Variants in SVEP1 observed in about 807,000 individuals in gnomAD.
The protein encoded by SVEP1 is sushi, von Willebrand factor type A, EGF and pentraxin domain-containing protein 1.
A neutral mutation model predicts 367.3 loss-of-function variants in SVEP1; 164 were observed. The observed-to-expected ratio is 0.45, with a 90% CI of 0.39 to 0.51. The LOEUF (loss-of-function observed/expected upper bound fraction) is 0.51. SVEP1 is among the 20% of genes least tolerant of loss of function. SVEP1 has a pLI of 0.00. For synonymous variants in SVEP1, 1,666 were observed against 1,611.6 expected (o/e 1.03, Z -0.81); for missense variants, 4,117 against 4,425.3 (o/e 0.93, Z 1.98).
intron 36 of SVEP1, among the ~76,000 whole-genome samples, chr9:110,418,831 A>G (rs62290276): frequency 0.34 from 39,820 of 118,706 alleles, 11,002 homozygotes; most frequent in Non-Finnish European, 0.41. Flanking sequence ...TAAAGAAAAG[A>G]ATTTTCAACC....
In SVEP1 at chr9:110,502,938, A is replaced by AT. The variant is rs1829558905; in HGVS notation, c.1483+99dup. ...TACATGTGGATATGTATTTATACTC[A>AT]TTACCAGCTAGTGTTTAGTTTTAGG... On this transcript the variant is annotated intron_variant, in intron 6 of 47. Transcript: ENST00000374469. 11 of 1,291,862 alleles carry AT rather than the reference A, an allele frequency of 8.5e-6. No individual in the cohort carries two copies. The East Asian group carries it at 2.6e-4, about 30-fold the overall frequency. 80.0% of individuals were successfully genotyped at this position (1,291,862 alleles called of 1,614,324 possible).
Position 110,453,573 on chromosome 9 carries a change from A to G in SVEP1, c.3787+2017T>C, listed in dbSNP as rs189173017. 3.1e-3 allele frequency among the ~76,000 whole-genome samples: 479 copies of G among 152,120 alleles called. 1 individual carries two copies. Among genetic ancestry groups the G allele is most frequent in the Non-Finnish European group, 5.0e-3 (342 of 67,962 alleles). On this transcript the variant is annotated intron_variant, in intron 22 of 47. Transcript: ENST00000374469. ...TGTGTTATTTTTTGACTCTTTAATA[A>G]TAGCCATTCTGGCCAGGGGCGGGGT...
rs774801313 is a variant in SVEP1 at position 110,450,187 on chromosome 9, C to T, written c.3975G>A (p.Gln1325=). Reference sequence around the variant, plus strand: ...GGCATTTGCACAAGAATCCCCCAACCTGGTCTTCACAGACTGCATTATTTA... The same window carrying T: ...GGCATTTGCACAAGAATCCCCCAACTTGGTCTTCACAGACTGCATTATTTA... ...PCLNNAVCED[Q]VGGFLCKCPP... is the part of the protein sequence containing the mutation. The change falls in exon 24 of 48, where the codon CAG becomes CAA. Residue 1325 remains glutamine (Q), a synonymous_variant. Coordinates refer to ENST00000374469, the MANE Select transcript of SVEP1 (RefSeq NM_153366.4). 2 of 1,613,898 alleles carry T rather than the reference C, an allele frequency of 1.2e-6. No homozygotes were observed. The highest frequency in any genetic ancestry group is 2.2e-5 in the East Asian group (1 of 44,874).
At chr9:110,399,476 C>T (rs963667858) in intron 40 of SVEP1, among the ~76,000 whole-genome samples, 2 of 152,010 alleles carry the variant, frequency 1.3e-5, no homozygotes, top group African/African-American at 4.8e-5. Context: ...TACCCTAAAA[C>T]TTAAAGTATA....
At chr9:110,403,343 T>C (rs1039163065) in intron 39 of SVEP1, among the ~76,000 whole-genome samples, 3 of 135,844 alleles carry the variant, frequency 2.2e-5, no homozygotes, top group Admixed American at 7.7e-5. Flanking sequence ...TATTGCTCTG[T>C]TGCCAGGCTG....
chr9:110,382,706 A>T (rs1275768350), intron 43 of SVEP1, among the ~76,000 whole-genome samples: 3 of 152,174 alleles, frequency 2.0e-5, no homozygotes, highest in African/African-American at 7.2e-5. Context: ...ACCCCGATCA[A>T]TCATAGGTTC....
chr9:110,393,109 T>TGG (rs1827692720), intron 40 of SVEP1, among the ~76,000 whole-genome samples: 1 of 152,254 alleles, frequency 6.6e-6, no homozygotes, highest in Non-Finnish European at 1.5e-5. Context: ...CACAAATTTT[T>TGG]AAATTATCTG....
intron 1 of SVEP1, among the ~76,000 whole-genome samples, chr9:110,565,666 T>G (rs928010679): frequency 5.3e-5 from 8 of 152,104 alleles, no homozygotes; most frequent in African/African-American, 1.9e-4. Flanking sequence ...ATCAGGCAAC[T>G]TAGAGAGTGC....
chr9:110,563,889 T>C (rs1830458979), intron 1 of SVEP1, among the ~76,000 whole-genome samples: 1 of 152,200 alleles, frequency 6.6e-6, no homozygotes, highest in African/African-American at 2.4e-5. Flanking sequence ...AGTACCTGTC[T>C]ACTGGTAATA....
chr9:110,463,084 C>A (rs1437281062), intron 18 of SVEP1, among the ~76,000 whole-genome samples: 1 of 151,900 alleles, frequency 6.6e-6, no homozygotes, highest in Non-Finnish European at 1.5e-5. Context: ...AAATCAGTTT[C>A]CTAAGATGAG....
rs566844874 is a variant in SVEP1 at position 110,514,128 on chromosome 9, A to T, written c.965-22T>A. Reference sequence around the variant, plus strand: ...CAAGCTGTGGGCAGACAAGCCGGAGAAGTCCATGTTATGTGGCACATCAGC... The same window carrying T: ...CAAGCTGTGGGCAGACAAGCCGGAGTAGTCCATGTTATGTGGCACATCAGC... On this transcript the variant is annotated intron_variant, in intron 3 of 47. Transcript: ENST00000374469. 1.9e-6 allele frequency: 3 copies of T among 1,601,962 alleles called. No individual in the cohort carries two copies. The African/African-American group carries it at 4.0e-5, about 21-fold the overall frequency.
At chr9:110,429,056 G>A (rs1588048639) in intron 35 of SVEP1, 87 bp downstream of exon 35, 1 of 1,160,584 alleles carries the variant, frequency 8.6e-7, no homozygotes, top group Non-Finnish European at 1.2e-6. Context: ...GTGTCACAGT[G>A]AGACCATGTC....
Position 110,429,309 on chromosome 9 carries a change from C to G in SVEP1, c.5641G>C (p.Gly1881Arg). 2 of 1,582,030 alleles carry G rather than the reference C, an allele frequency of 1.3e-6. No individual in the cohort carries two copies. Among genetic ancestry groups the G allele is most frequent in the Non-Finnish European group, 1.7e-6 (2 of 1,164,196 alleles). The change falls in exon 35 of 48, where the codon GGT (glycine) becomes CGT (arginine). Residue 1881 changes from glycine to arginine, a missense_variant. Gly to Arg is a moderately radical substitution (Grantham distance 125, BLOSUM62 -2). This residue lies in a region of SVEP1 where 2,174 missense variants were observed against 2,494.3 expected (regional missense o/e 0.87). Coordinates refer to ENST00000374469, the MANE Select transcript of SVEP1 (RefSeq NM_153366.4). ...YRCNKGYTLA[G>R]DKESSCLANS... The stretch of plus-strand genomic sequence containing the variant: ...GCAAGACAGGATGATTCTTTATCAC[C>G]GGCCAGAGTATATCCTTTATTACAC...
In SVEP1 at chr9:110,476,230, T is replaced by C. The variant is rs775501178; in HGVS notation, c.2573A>G (p.Tyr858Cys). ...AATTGCAAAGCCATTTTCATAGTCA[T>C]AATTATATTCTAGGCAATATTTTTT... ...LTKKYCLEYN[Y>C]DYENGFAIGP... The change falls in exon 14 of 48, where the codon TAT becomes TGT. Residue 858 changes from tyrosine to cysteine, a missense_variant. Coordinates refer to ENST00000374469, the MANE Select transcript of SVEP1 (RefSeq NM_153366.4). 1 of 1,612,898 alleles carries C rather than the reference T, an allele frequency of 6.2e-7. No homozygotes were observed. The highest frequency in any genetic ancestry group is 8.5e-7 in the Non-Finnish European group (1 of 1,179,064).
chr9:110,564,454 A>G (rs995494981), intron 1 of SVEP1, among the ~76,000 whole-genome samples: 1 of 152,188 alleles, frequency 6.6e-6, no homozygotes, highest in African/African-American at 2.4e-5. Flanking sequence ...CAACTCTGGA[A>G]CGCTTGAAAA....
Position 110,379,374 on chromosome 9 carries a change from T to C in SVEP1, c.10381A>G (p.Thr3461Ala). Reference sequence around the variant, plus strand: ...CTGCAAATAGGAGGTGATGTCCATGTTCCATTTTCTAAACAAACACTCCTC... The same window carrying C: ...CTGCAAATAGGAGGTGATGTCCATGCTCCATTTTCTAAACAAACACTCCTC... The part of the protein sequence containing the change: ...FLRSVCLENG[T>A]WTSPPICRAV... Residue 3461 changes from threonine (T) to alanine (A), a missense_variant, in exon 44 of 48, where the codon ACA becomes GCA. Physicochemically the swap from Thr to Ala is moderately conservative, Grantham distance 58. This residue lies in a region of SVEP1 where 1,765 missense variants were observed against 1,781.1 expected (regional missense o/e 0.99). Transcript: ENST00000374469. 6.2e-7 allele frequency: 1 copy of C among 1,613,768 alleles called. No individual in the cohort carries two copies. The highest frequency in any genetic ancestry group is 1.1e-5 in the South Asian group (1 of 91,052).
chr9:110,388,128 T>TTA (rs543408009), intron 41 of SVEP1, among the ~76,000 whole-genome samples: 255 of 152,120 alleles, frequency 1.7e-3, no homozygotes, highest in African/African-American at 5.9e-3. Flanking sequence ...AAATATAAAA[T>TTA]TATCAGAAGG....
chr9:110,387,210 T>G (rs1588025069), intron 42 of SVEP1, 75 bp downstream of exon 42: 20 of 1,449,764 alleles, frequency 1.4e-5, no homozygotes, highest in Non-Finnish European at 1.8e-5. Flanking sequence ...TGGAGCTTCC[T>G]CTATGTTTTG....
chr9:110,472,385 T>G, intron 14 of SVEP1, 62 bp from the exon 15 acceptor site: 2 of 1,473,034 alleles, frequency 1.4e-6, no homozygotes, highest in African/African-American at 2.8e-5. Context: ...GCGTTCAGGT[T>G]CTAATGTTAA....
Sources: gnomAD v4.1 joint callset for allele counts (sites outside exome capture counted in the v4.1 genomes callset) on GRCh38, gnomAD v4.1.1 for gene constraint, gnomAD v4.1.1 regional missense constraint, MANE v1.5 for transcripts, NCBI Gene and HGNC (gene_info 2026-07-23, HGNC 2026-07-21) for gene names.